TMLHE: variants seen among roughly 807,000 people sequenced by gnomAD.
TMLHE encodes the protein trimethyllysine dioxygenase, mitochondrial.
In TMLHE, 18 loss-of-function variants were observed where a neutral mutation model predicts 25.7. The observed-to-expected ratio is 0.70, with a 90% CI of 0.48 to 1.04. TMLHE has a LOEUF of 1.04. TMLHE is among the 50% of genes least tolerant of loss of function. The pLI is 0.00. For synonymous variants in TMLHE, 105 were observed against 97.0 expected (o/e 1.08, Z -0.49); for missense variants, 236 against 259.0 (o/e 0.91, Z 0.61).
chrX:155,585,990 C>T (rs782694305), intron 1 of TMLHE, among the ~76,000 whole-genome samples: 3 of 110,811 alleles, frequency 2.7e-5, no homozygotes, highest in Non-Finnish European at 3.8e-5. Flanking sequence ...TTGGGGAGGC[C>T]GAGGCGGGCG....
At position 155,567,962 on chromosome X, in the gene TMLHE, T is replaced by C. The variant is rs1331453030; in HGVS notation, c.-1-22685A>G. 1.1e-4 allele frequency among the ~76,000 whole-genome samples: 7 copies of C among 61,132 alleles called. 3 individuals are homozygous for C. The highest frequency in any genetic ancestry group is 3.8e-4 in the Admixed American group (2 of 5,230). The allele number at this position is 61,132 out of a possible 115,157, so 53.1% of individuals were successfully genotyped here. ...ATCTGAGGTACTGGGTTCATCTCAT[T>C]AGGGAGTGCCAGACAGTGGGCGCAG... On this transcript the variant is annotated intron_variant, in intron 1 of 7. Transcript: ENST00000334398.
intron 1 of TMLHE, among the ~76,000 whole-genome samples, chrX:155,603,171 T>G (rs187923938): frequency 9.0e-6 from 1 of 110,633 alleles, no homozygotes. Flanking sequence ...TCTACAAAAA[T>G]ATTGTTAAAA....
At chrX:155,595,109 C>G (rs1292565482) in intron 1 of TMLHE, among the ~76,000 whole-genome samples, 1 of 111,549 alleles carries the variant, frequency 9.0e-6, no homozygotes, top group Non-Finnish European at 1.9e-5. Context: ...TAAAATTTGT[C>G]AAAATTTACA....
chrX:155,606,974 T>A (rs1183475777), intron 1 of TMLHE, among the ~76,000 whole-genome samples: 4 of 110,987 alleles, frequency 3.6e-5, no homozygotes, highest in Non-Finnish European at 7.6e-5. Context: ...GAATCAGTAA[T>A]GAAAAGCCTA....
intron 1 of TMLHE, among the ~76,000 whole-genome samples, chrX:155,549,357 T>C (rs782351657): frequency 2.7e-5 from 3 of 110,756 alleles, no homozygotes; most frequent in South Asian, 7.5e-4. Context: ...TTTTTGGATT[T>C]TTTTGTTATT....
chrX:155,508,791 G>A (rs1408371682), intron 5 of TMLHE, among the ~76,000 whole-genome samples: 1 of 110,668 alleles, frequency 9.0e-6, no homozygotes, highest in African/African-American at 3.3e-5. Context: ...GTGAGGGGTG[G>A]GTTGGGAAAA....
intron 1 of TMLHE, among the ~76,000 whole-genome samples, chrX:155,579,300 C>T (rs1332421916): frequency 2.7e-5 from 3 of 111,837 alleles, no homozygotes; most frequent in Non-Finnish European, 5.6e-5. Flanking sequence ...CCAAAGGAAT[C>T]CTAAGCAAAA....
intron 1 of TMLHE, among the ~76,000 whole-genome samples, chrX:155,584,819 C>A (rs1158890738): frequency 9.0e-6 from 1 of 111,310 alleles, no homozygotes; most frequent in African/African-American, 3.3e-5. Flanking sequence ...TAAATGAAGT[C>A]TTTTTCAGAG....
At chrX:155,539,240 A>G (rs1363286171) in intron 2 of TMLHE, among the ~76,000 whole-genome samples, 4 of 111,652 alleles carry the variant, frequency 3.6e-5, no homozygotes, top group Non-Finnish European at 7.5e-5. Context: ...TCTTGCCTGA[A>G]TCTAAGAACT....
chrX:155,611,899 C>G (rs1557348380), intron 1 of TMLHE, among the ~76,000 whole-genome samples: 4 of 111,297 alleles, frequency 3.6e-5, no homozygotes. Flanking sequence ...AAGGGCAAAC[C>G]AAGCTACAAG....
At chrX:155,510,806 A>C (rs2067105843) in intron 5 of TMLHE, among the ~76,000 whole-genome samples, 2 of 106,066 alleles carry the variant, frequency 1.9e-5, no homozygotes, top group Non-Finnish European at 3.9e-5. Flanking sequence ...CTAGTTCTAG[A>C]TCCCTGAGGA....
intron 1 of TMLHE, among the ~76,000 whole-genome samples, chrX:155,557,895 A>C (rs7058836): frequency 9.0e-6 from 1 of 111,477 alleles, no homozygotes; most frequent in African/African-American, 3.3e-5. Flanking sequence ...CACCCACCGT[A>C]GTGTATCTCT....
At chrX:155,510,936 G>A (rs910604078) in intron 5 of TMLHE, among the ~76,000 whole-genome samples, 1 of 108,772 alleles carries the variant, frequency 9.2e-6, no homozygotes, top group African/African-American at 3.3e-5. Flanking sequence ...TTTAATGATT[G>A]CCATTCTAAC....
chrX:155,522,530 C>T (rs1304013565), intron 3 of TMLHE, among the ~76,000 whole-genome samples: 1 of 112,121 alleles, frequency 8.9e-6, no homozygotes, highest in Admixed American at 9.4e-5. Context: ...TCGTGTTACC[C>T]TTTTACAGCT....
chrX:155,588,224 C>T (rs2067675937), intron 1 of TMLHE, among the ~76,000 whole-genome samples: 1 of 111,761 alleles, frequency 8.9e-6, no homozygotes, highest in Non-Finnish European at 1.9e-5. Flanking sequence ...TGATTTTTGA[C>T]AAAGATACCA....
chrX:155,581,408 G>A (rs1423566092), intron 1 of TMLHE, among the ~76,000 whole-genome samples: 2 of 111,968 alleles, frequency 1.8e-5, no homozygotes, highest in South Asian at 3.7e-4. Context: ...ACAACATGAT[G>A]TATATTTAGA....
At chrX:155,559,844 T>C (rs1471280889) in intron 1 of TMLHE, among the ~76,000 whole-genome samples, 1 of 112,071 alleles carries the variant, frequency 8.9e-6, no homozygotes, top group African/African-American at 3.2e-5. Context: ...CATATTCCAA[T>C]CCATTGTCCA....
rs183307715 is a variant in TMLHE, at chrX:155,528,024, C to T, written c.182-3392G>A. 3.2e-4 allele frequency among the ~76,000 whole-genome samples: 36 copies of T among 111,059 alleles called. No homozygotes were observed. The East Asian group carries it at 8.2e-3, about 25-fold the overall frequency. Reference sequence around the variant, plus strand: ...AAAGTCACCAGAAGTGACGGGCAAACGTATGAACTGCCCCCAGCCTTGGTA... The same window carrying T: ...AAAGTCACCAGAAGTGACGGGCAAATGTATGAACTGCCCCCAGCCTTGGTA... On this transcript the variant is annotated intron_variant, in intron 2 of 7. Transcript: ENST00000334398.
chrX:155,508,516 G>T (rs1448146349), intron 5 of TMLHE, among the ~76,000 whole-genome samples: 1 of 110,934 alleles, frequency 9.0e-6, no homozygotes, highest in African/African-American at 3.3e-5. Context: ...GGAAGAGGTC[G>T]TTTGGAGAGA....
Sources: allele counts gnomAD v4.1 joint callset (sites outside exome capture counted in the v4.1 genomes callset), GRCh38; gene constraint gnomAD v4.1.1; transcripts MANE v1.5; gene names NCBI Gene and HGNC (gene_info 2026-07-23, HGNC 2026-07-21).